Variants in PPARGC1A observed in about 807,000 individuals in gnomAD.
PPARGC1A encodes peroxisome proliferator-activated receptor gamma coactivator 1-alpha.
Under a neutral mutation model 88.7 loss-of-function variants are expected in PPARGC1A, and 25 were observed. That is an observed-to-expected ratio of 0.28 (90% CI 0.21 to 0.39). The LOEUF (loss-of-function observed/expected upper bound fraction) is 0.39, where lower values mean the gene tolerates loss of function less well. PPARGC1A is among the 10% of genes least tolerant of loss of function. The pLI is 1.00. For missense variants in PPARGC1A, 880 were observed against 968.7 expected, an observed-to-expected ratio of 0.91 and a Z score of 1.22; for synonymous variants, 363 against 355.6, an observed-to-expected ratio of 1.02 and a Z score of -0.24.
chr4:24,217,927 A>G, the PPARGC1A span, among the ~76,000 whole-genome samples: 1 of 152,232 alleles, frequency 6.6e-6, no homozygotes, highest in African/African-American at 2.4e-5. Flanking sequence ...GTAGTCTTCT[A>G]ATGTTTCTAT....
the PPARGC1A span, among the ~76,000 whole-genome samples, chr4:24,173,358 GAAAA>G: frequency 8.3e-6 from 1 of 120,876 alleles, no homozygotes; most frequent in Non-Finnish European, 1.8e-5. Context: ...AAAAAAAAAA[GAAAA>G]AAAATTCAGA....
At chr4:24,418,006 T>TTA in the PPARGC1A span, among the ~76,000 whole-genome samples, 3 of 151,672 alleles carry the variant, frequency 2.0e-5, no homozygotes, top group African/African-American at 7.2e-5. Context: ...AGAATATTTA[T>TTA]TATATATACA....
At chr4:24,143,146 T>C in the PPARGC1A span, among the ~76,000 whole-genome samples, 3 of 152,140 alleles carry the variant, frequency 2.0e-5, no homozygotes, top group African/African-American at 7.2e-5. Context: ...TTATTTGGGG[T>C]AAAGGAGAAT....
At chr4:23,837,730 CT>C (rs1726280279) in intron 2 of PPARGC1A, among the ~76,000 whole-genome samples, 1 of 152,184 alleles carries the variant, frequency 6.6e-6, no homozygotes, top group African/African-American at 2.4e-5. Flanking sequence ...TTATCCACTA[CT>C]TTGGATTATT....
At chr4:23,804,408 A>T (rs1170070953) in intron 10 of PPARGC1A, among the ~76,000 whole-genome samples, 2 of 152,160 alleles carry the variant, frequency 1.3e-5, no homozygotes, top group South Asian at 2.1e-4. Flanking sequence ...GTCCTAAGCC[A>T]AGCCTCCAGC....
the PPARGC1A span, among the ~76,000 whole-genome samples, chr4:24,171,382 G>A: frequency 6.6e-6 from 1 of 151,640 alleles, no homozygotes; most frequent in African/African-American, 2.4e-5. Flanking sequence ...CTCCAGCCTG[G>A]TAACAGAGCG....
At chr4:24,238,857 A>G in the PPARGC1A span, among the ~76,000 whole-genome samples, 7 of 151,368 alleles carry the variant, frequency 4.6e-5, no homozygotes, top group Admixed American at 2.0e-4. Context: ...GTAGGTGTGT[A>G]CCCACATGAA....
intron 2 of PPARGC1A, among the ~76,000 whole-genome samples, chr4:23,860,333 A>G (rs4574395): frequency 0.01 from 1,526 of 149,836 alleles, 13 homozygotes; most frequent in Middle Eastern, 0.051. Context: ...AGGGGAAGGT[A>G]TGGAAAGATA....
chr4:23,875,524 T>C (rs1187513330), intron 2 of PPARGC1A, among the ~76,000 whole-genome samples: 1 of 151,922 alleles, frequency 6.6e-6, no homozygotes, highest in African/African-American at 2.4e-5. Flanking sequence ...CATAATCACA[T>C]ACATTCATTT....
chr4:23,878,725 G>A (rs538930235), intron 2 of PPARGC1A, among the ~76,000 whole-genome samples: 23 of 152,252 alleles, frequency 1.5e-4, no homozygotes, highest in African/African-American at 5.1e-4. Context: ...CGACAGGAGA[G>A]GCTGAAAATA....
At chr4:23,922,164 G>C in the PPARGC1A span, among the ~76,000 whole-genome samples, 1 of 152,210 alleles carries the variant, frequency 6.6e-6, no homozygotes, top group Non-Finnish European at 1.5e-5. Flanking sequence ...GTGCTAGGCA[G>C]AAATGTTAGG....
chr4:23,946,875 T>C, the PPARGC1A span, among the ~76,000 whole-genome samples: 1 of 151,952 alleles, frequency 6.6e-6, no homozygotes, highest in Non-Finnish European at 1.5e-5. Context: ...CATTAACTGC[T>C]ACAAAGATGG....
the PPARGC1A span, among the ~76,000 whole-genome samples, chr4:24,116,148 C>A: frequency 6.6e-6 from 1 of 152,144 alleles, no homozygotes; most frequent in Non-Finnish European, 1.5e-5. Context: ...TTGATTTTGA[C>A]AATAATTTGT....
At chr4:24,216,345 A>G in the PPARGC1A span, among the ~76,000 whole-genome samples, 2 of 151,860 alleles carry the variant, frequency 1.3e-5, no homozygotes, top group Admixed American at 6.6e-5. Context: ...ACAGGGTTTC[A>G]CCATGTTGGC....
At chr4:24,212,226 C>A in the PPARGC1A span, among the ~76,000 whole-genome samples, 1 of 152,212 alleles carries the variant, frequency 6.6e-6, no homozygotes, top group Non-Finnish European at 1.5e-5. Context: ...ATCAAAGCAG[C>A]ATTGTTTACC....
chr4:24,115,567 A>G, the PPARGC1A span, among the ~76,000 whole-genome samples: 1 of 152,290 alleles, frequency 6.6e-6, no homozygotes, highest in East Asian at 1.9e-4. Context: ...GTCATTATCA[A>G]CCAGGCTTTA....
chr4:24,396,279 G>A, the PPARGC1A span, among the ~76,000 whole-genome samples: 3,625 of 152,262 alleles, frequency 0.024, 56 homozygotes, highest in Middle Eastern at 0.041. Context: ...GCAGCAGCGC[G>A]TCAAGGAATA....
chr4:24,190,130 G>A, the PPARGC1A span, among the ~76,000 whole-genome samples: 1 of 152,238 alleles, frequency 6.6e-6, no homozygotes, highest in African/African-American at 2.4e-5. Context: ...CGGCTTCTTT[G>A]CTGCAATCCA....
At chr4:24,068,951 G>A in the PPARGC1A span, among the ~76,000 whole-genome samples, 5 of 152,192 alleles carry the variant, frequency 3.3e-5, no homozygotes, top group African/African-American at 1.2e-4. Flanking sequence ...AGTGAAATGA[G>A]CATGGAATTA....
Sources: gnomAD v4.1 joint callset for allele counts (sites outside exome capture counted in the v4.1 genomes callset) on GRCh38, gnomAD v4.1.1 for gene constraint, MANE v1.5 for transcripts, NCBI Gene and HGNC (gene_info 2026-07-23, HGNC 2026-07-21) for gene names.